Variants in RERE observed in about 807,000 individuals in gnomAD.
The protein encoded by RERE is arginine-glutamic acid dipeptide repeats protein.
A neutral mutation model predicts 146.1 loss-of-function variants in RERE; 40 were observed. That is an observed-to-expected ratio of 0.27 (90% CI 0.21 to 0.36). The LOEUF is 0.36. RERE is among the 10% of genes least tolerant of loss of function. The pLI is 1.00. For missense variants in RERE, 1,933 were observed against 2,138.7 expected (o/e 0.90, Z 1.90); for synonymous variants, 1,003 against 866.0 (o/e 1.16, Z -2.78).
intron 1 of RERE, among the ~76,000 whole-genome samples, chr1:8,735,574 A>C (rs759798193): frequency 6.6e-6 from 1 of 152,140 alleles, no homozygotes; most frequent in African/African-American, 2.4e-5. Context: ...ACCATATTCC[A>C]TAATAATATG....
chr1:8,798,408 A>T (rs532273723), intron 1 of RERE: 19 of 152,528 alleles, frequency 1.2e-4, no homozygotes, highest in African/African-American at 4.6e-4. Flanking sequence ...CTCAAAAAAA[A>T]ATAAAAATAA....
rs985140466 is a variant in RERE at position 8,809,157 on chromosome 1, A to AAAAAAAAAAAAAAAAAAAAAAAAAAAAAT, written c.-145+8002_-145+8003insATTTTTTTTTTTTTTTTTTTTTTTTTTTT. On this transcript the variant is annotated intron_variant, in intron 1 of 22. Coordinates refer to ENST00000400908, the MANE Select transcript of RERE (RefSeq NM_001042681.2). Reference sequence around the variant, plus strand: ...TGTCTTAAAAAAAAAAAAAAAAAAAAAAAGTACTGAGGGAGAGGTTAATGG... The same window carrying AAAAAAAAAAAAAAAAAAAAAAAAAAAAAT: ...TGTCTTAAAAAAAAAAAAAAAAAAAAAAAAAAAAAAAAAAAAAAAAAAAAAAAATAAAGTACTGAGGGAGAGGTTAATGG... 3.4e-5 allele frequency among the ~76,000 whole-genome samples: 5 copies of AAAAAAAAAAAAAAAAAAAAAAAAAAAAAT among 146,212 alleles called. 1 individual carries two copies. The highest frequency in any genetic ancestry group is 1.4e-4 in the African/African-American group (5 of 36,442).
At chr1:8,674,964 G>A (rs1638802570) in intron 1 of RERE, among the ~76,000 whole-genome samples, 1 of 152,158 alleles carries the variant, frequency 6.6e-6, no homozygotes, top group South Asian at 2.1e-4. Flanking sequence ...AAATGTAAAT[G>A]GAGCACACAG....
At chr1:8,510,306 T>C (rs1645317687) in intron 7 of RERE, among the ~76,000 whole-genome samples, 1 of 151,208 alleles carries the variant, frequency 6.6e-6, no homozygotes, top group Non-Finnish European at 1.5e-5. Context: ...CAGAAGGAGA[T>C]AATAGGCCTA....
chr1:8,494,094 T>C (rs1645012996), intron 10 of RERE, among the ~76,000 whole-genome samples: 1 of 152,246 alleles, frequency 6.6e-6, no homozygotes, highest in Non-Finnish European at 1.5e-5. Context: ...TATTATGGGA[T>C]TAAAGTAGAT....
At chr1:8,766,140 A>T (rs1027039281) in intron 1 of RERE, among the ~76,000 whole-genome samples, 1 of 152,166 alleles carries the variant, frequency 6.6e-6, no homozygotes, top group African/African-American at 2.4e-5. Flanking sequence ...GAAAAAACAA[A>T]CAAAAGATCA....
At chr1:8,381,367 G>A (rs1570100239) in intron 12 of RERE, among the ~76,000 whole-genome samples, 2 of 152,026 alleles carry the variant, frequency 1.3e-5, no homozygotes, top group South Asian at 2.1e-4. Context: ...CTCGGGAAAC[G>A]CTAACTTGAA....
At chr1:8,748,458 A>G (rs751253237) in intron 1 of RERE, among the ~76,000 whole-genome samples, 2 of 151,780 alleles carry the variant, frequency 1.3e-5, no homozygotes, top group Non-Finnish European at 2.9e-5. Context: ...ATCTTGCATA[A>G]CCCTCCCCTT....
At chr1:8,744,256 G>A (rs1640375012) in intron 1 of RERE, among the ~76,000 whole-genome samples, 1 of 152,128 alleles carries the variant, frequency 6.6e-6, no homozygotes, top group African/African-American at 2.4e-5. Flanking sequence ...TTAACAAAAA[G>A]CAAGGAATTC....
intron 12 of RERE, among the ~76,000 whole-genome samples, chr1:8,389,388 T>G (rs764534687): frequency 4.6e-5 from 7 of 152,184 alleles, no homozygotes; most frequent in Non-Finnish European, 8.8e-5. Context: ...CGTCAACGCC[T>G]TGTTCTTTAT....
At chr1:8,695,234 G>A (rs775253850) in intron 1 of RERE, among the ~76,000 whole-genome samples, 17 of 152,150 alleles carry the variant, frequency 1.1e-4, no homozygotes, top group African/African-American at 2.2e-4. Context: ...GAACTGGACC[G>A]CTACCTTTTC....
intron 4 of RERE, among the ~76,000 whole-genome samples, chr1:8,564,018 C>T (rs1006758276): frequency 1.3e-5 from 2 of 152,160 alleles, no homozygotes; most frequent in Non-Finnish European, 2.9e-5. Flanking sequence ...GTGTGCTCAC[C>T]AACCAGTTTA....
chr1:8,372,610 A>G (rs1258625508), intron 12 of RERE, among the ~76,000 whole-genome samples: 1 of 151,454 alleles, frequency 6.6e-6, no homozygotes, highest in Non-Finnish European at 1.5e-5. Context: ...CTTTCGATTC[A>G]GTTCACAGAG....
chr1:8,696,026 G>C (rs1286565696), intron 1 of RERE, among the ~76,000 whole-genome samples: 1 of 152,006 alleles, frequency 6.6e-6, no homozygotes, highest in Non-Finnish European at 1.5e-5. Context: ...AAACCACAAT[G>C]AAATATCGTC....
chr1:8,806,373 A>G (rs1349154788), intron 1 of RERE, among the ~76,000 whole-genome samples: 3 of 152,030 alleles, frequency 2.0e-5, no homozygotes, highest in African/African-American at 4.8e-5. Flanking sequence ...TCTACTAAAA[A>G]TACAAAATTT....
chr1:8,390,334 T>C (rs1642841094), intron 12 of RERE, among the ~76,000 whole-genome samples: 1 of 152,196 alleles, frequency 6.6e-6, no homozygotes, highest in African/African-American at 2.4e-5. Flanking sequence ...AGCTGCTTAT[T>C]TGGAGAGTGG....
In RERE at chr1:8,508,822, T is replaced by A. The variant is rs1645291256; in HGVS notation, c.831-147A>T. Reference sequence around the variant, plus strand: ...TCCCCACTACTTCTAATGTTCTGTATACATACACCACCCACCACCACACAT... The same window carrying A: ...TCCCCACTACTTCTAATGTTCTGTAAACATACACCACCCACCACCACACAT... On this transcript the variant is annotated intron_variant, in intron 7 of 22. Transcript: ENST00000400908. The A allele has an allele frequency of 4.7e-6, 3 of 639,232 alleles. No homozygotes were observed. In the South Asian group the frequency reaches 5.8e-5, roughly 12 times the overall value. The allele number at this position is 639,232 out of a possible 1,614,324, so 39.6% of individuals were successfully genotyped here.
intron 7 of RERE, chr1:8,525,658 A>T: frequency 7.9e-7 from 1 of 1,264,980 alleles, no homozygotes; most frequent in Non-Finnish European, 1.1e-6. Flanking sequence ...TCTCAGGAAC[A>T]TGCACTATGA....
At chr1:8,391,560 T>C (rs1234855940) in intron 12 of RERE, among the ~76,000 whole-genome samples, 1 of 152,250 alleles carries the variant, frequency 6.6e-6, no homozygotes, top group African/African-American at 2.4e-5. Context: ...GGGGCTCTTC[T>C]GATTCTATCC....
Sources: allele counts gnomAD v4.1 joint callset (sites outside exome capture counted in the v4.1 genomes callset), GRCh38; gene constraint gnomAD v4.1.1; transcripts MANE v1.5; gene names NCBI Gene and HGNC (gene_info 2026-07-23, HGNC 2026-07-21).